FGF12: variants seen among roughly 807,000 people sequenced by gnomAD.
The protein encoded by FGF12 is fibroblast growth factor 12B.
FGF12 carries 14 observed loss-of-function variants against 23.6 expected under a neutral mutation model. The observed-to-expected ratio is 0.59, with a 90% CI of 0.39 to 0.93. The LOEUF is 0.93. Ranked by LOEUF, FGF12 falls within the 40% of genes least tolerant of loss-of-function variation. The pLI is 0.00. For missense variants in FGF12, 175 were observed against 217.8 expected, an observed-to-expected ratio of 0.80 and a Z score of 1.24; for synonymous variants, 62 against 77.3, an observed-to-expected ratio of 0.80 and a Z score of 1.04.
At chr3:192,400,505 A>G (rs1373494812) in intron 2 of FGF12, among the ~76,000 whole-genome samples, 1 of 151,406 alleles carries the variant, frequency 6.6e-6, no homozygotes. Flanking sequence ...AGTAGCTGGG[A>G]TTACAGGCAC....
intron 2 of FGF12, among the ~76,000 whole-genome samples, chr3:192,677,158 C>T (rs976252745): frequency 1.3e-5 from 2 of 152,194 alleles, no homozygotes; most frequent in Non-Finnish European, 2.9e-5. Flanking sequence ...TCAACACATA[C>T]AATAAAGACG....
intron 2 of FGF12, among the ~76,000 whole-genome samples, chr3:192,382,824 T>C (rs1337144155): frequency 1.3e-5 from 2 of 152,188 alleles, no homozygotes; most frequent in African/African-American, 4.8e-5. Context: ...CTTTTCACTT[T>C]TATGAGGAGT....
chr3:192,271,065 T>G lies in FGF12; in HGVS notation c.228+64296A>C, dbSNP rs532696132. Among the ~76,000 whole-genome samples the G allele has an allele frequency of 2.6e-5, 4 of 152,318 alleles. No individual in the cohort carries two copies. In the South Asian group the frequency reaches 8.3e-4, roughly 32 times the overall value. On this transcript the variant is annotated intron_variant, in intron 4 of 5. Transcript: ENST00000445105. Reference sequence around the variant, plus strand: ...GGACCAAAATCAATCAATTAGACATTGCCAAAGATTTCTCTCCAAGTGTCA... The same window carrying G: ...GGACCAAAATCAATCAATTAGACATGGCCAAAGATTTCTCTCCAAGTGTCA...
intron 4 of FGF12, among the ~76,000 whole-genome samples, chr3:192,234,340 T>A (rs922590305): frequency 6.6e-6 from 1 of 152,182 alleles, no homozygotes; most frequent in East Asian, 1.9e-4. Flanking sequence ...AATTCTTGAT[T>A]TGGCTGCCAG....
intron 4 of FGF12, among the ~76,000 whole-genome samples, chr3:192,183,751 G>T (rs2108637160): frequency 6.6e-6 from 1 of 152,320 alleles, no homozygotes; most frequent in East Asian, 1.9e-4. Context: ...CTTTACAGAT[G>T]AAGAAAGCAA....
intron 5 of FGF12, among the ~76,000 whole-genome samples, chr3:192,170,191 G>A (rs1277048918): frequency 1.4e-5 from 2 of 145,608 alleles, no homozygotes; most frequent in African/African-American, 2.6e-5. Flanking sequence ...GCTGAGGCAG[G>A]AGAATTGCTC....
Position 192,503,462 on chromosome 3 carries a change from G to A in FGF12, c.14-142924C>T, listed in dbSNP as rs1305386391. ...TAAAAGACTATCACCCAAGTTATAT[G>A]TTACAGCCAAATTACTGCCCAATAC... On this transcript the variant is annotated intron_variant, in intron 2 of 5. Coordinates refer to ENST00000445105, the MANE Select transcript of FGF12 (RefSeq NM_004113.6). Among the ~76,000 whole-genome samples, 4 of 151,870 alleles carry A rather than the reference G, an allele frequency of 2.6e-5. No individual in the cohort carries two copies. In the East Asian group the frequency reaches 7.7e-4, roughly 29 times the overall value.
At chr3:192,601,740 G>T (rs529329507) in intron 2 of FGF12, among the ~76,000 whole-genome samples, 128 of 152,194 alleles carry the variant, frequency 8.4e-4, no homozygotes, top group African/African-American at 2.9e-3. Flanking sequence ...CACATACAAT[G>T]GTGTAGTATT....
rs186509606 is a variant in FGF12 at position 192,617,551 on chromosome 3, C to A, written c.13+109630G>T. ...TTGAAATTGGTGTTATAAGAATGGG[C>A]AAAGCCACAGGCATCATAAGGCACT... On this transcript the variant is annotated intron_variant, in intron 2 of 5. Coordinates refer to ENST00000445105, the MANE Select transcript of FGF12 (RefSeq NM_004113.6). Among the ~76,000 whole-genome samples the A allele has an allele frequency of 3.6e-3, 547 of 152,216 alleles. 3 individuals are homozygous for A. The highest frequency in any genetic ancestry group is 0.013 in the African/African-American group (522 of 41,550).
chr3:192,587,781 G>A (rs916914256), intron 2 of FGF12, among the ~76,000 whole-genome samples: 16 of 151,824 alleles, frequency 1.1e-4, no homozygotes, highest in African/African-American at 2.2e-4. Flanking sequence ...TGACTGCATC[G>A]CTGTATTCCA....
intron 4 of FGF12, among the ~76,000 whole-genome samples, chr3:192,319,594 CAAAT>C (rs556846919): frequency 1.2e-4 from 18 of 151,346 alleles, no homozygotes; most frequent in Admixed American, 8.6e-4. Context: ...AAGACTGTCT[CAAAT>C]AAATAAATAA....
chr3:192,379,359 C>A lies in FGF12; in HGVS notation c.14-18821G>T, dbSNP rs139012415. On this transcript the variant is annotated intron_variant, in intron 2 of 5. Coordinates refer to ENST00000445105, the MANE Select transcript of FGF12 (RefSeq NM_004113.6). ...TAACAAATTGTCACTGTGTATAGGGCAAGGGATACATAAGAAATCCCTACA... is the reference window on the plus strand; with the variant it reads ...TAACAAATTGTCACTGTGTATAGGGAAAGGGATACATAAGAAATCCCTACA... Among the ~76,000 whole-genome samples, 24 of 142,978 alleles carry A rather than the reference C, an allele frequency of 1.7e-4. No homozygotes were observed. In the East Asian group the frequency reaches 4.5e-3, roughly 27 times the overall value. The allele number at this position is 142,978 out of a possible 152,430, so 93.8% of individuals were successfully genotyped here. A position where few individuals can be genotyped will look rare whatever the true frequency, so the allele number is the denominator to read the frequency against.
intron 2 of FGF12, among the ~76,000 whole-genome samples, chr3:192,466,319 TGTGA>T (rs923041662): frequency 6.6e-6 from 1 of 152,242 alleles, no homozygotes; most frequent in Admixed American, 6.5e-5. Context: ...TACTAAATCC[TGTGA>T]GTATTTCCAG....
intron 4 of FGF12, among the ~76,000 whole-genome samples, chr3:192,305,679 A>AAAAAAAATAT (rs1423738741): frequency 1.7e-4 from 22 of 131,936 alleles, no homozygotes; most frequent in African/African-American, 6.5e-4. Context: ...AAAAAAAAAA[A>AAAAAAAATAT]ATATATATAT....
chr3:192,527,705 C>T (rs1724985216), intron 2 of FGF12, among the ~76,000 whole-genome samples: 1 of 151,918 alleles, frequency 6.6e-6, no homozygotes, highest in Admixed American at 6.6e-5. Flanking sequence ...TGTATTAGTC[C>T]ATTTTCATGC....
chr3:192,193,875 G>A (rs2108651626), intron 4 of FGF12, among the ~76,000 whole-genome samples: 1 of 151,956 alleles, frequency 6.6e-6, no homozygotes, highest in East Asian at 1.9e-4. Flanking sequence ...AATTACAGTC[G>A]GCTCATCTTC....
intron 4 of FGF12, among the ~76,000 whole-genome samples, chr3:192,262,291 A>C (rs898801596): frequency 3.3e-5 from 5 of 152,140 alleles, no homozygotes; most frequent in African/African-American, 1.2e-4. Flanking sequence ...GCTGTGGATC[A>C]TTTTGTTAAA....
At chr3:192,541,114 C>T (rs1024205951) in intron 2 of FGF12, among the ~76,000 whole-genome samples, 1 of 151,778 alleles carries the variant, frequency 6.6e-6, no homozygotes, top group African/African-American at 2.4e-5. Context: ...GAGTTTAGTC[C>T]ATTTACATTC....
intron 2 of FGF12, among the ~76,000 whole-genome samples, chr3:192,574,012 A>G (rs926574980): frequency 2.0e-5 from 3 of 152,196 alleles, no homozygotes; most frequent in Non-Finnish European, 2.9e-5. Context: ...GCCATTCCCT[A>G]ACAGAGGATC....
Sources: gnomAD v4.1 joint callset for allele counts (sites outside exome capture counted in the v4.1 genomes callset) on GRCh38, gnomAD v4.1.1 for gene constraint, MANE v1.5 for transcripts, NCBI Gene and HGNC (gene_info 2026-07-23, HGNC 2026-07-21) for gene names.